The following NUFIP2 variants were observed in gnomAD, a reference collection of about 807,000 sequenced individuals.
The protein encoded by NUFIP2 is FMR1-interacting protein NUFIP2.
In NUFIP2, 6 loss-of-function variants were observed where a neutral mutation model predicts 56.9. The ratio of observed to expected loss-of-function variants is 0.11; its 90% CI spans 0.06 to 0.21. The LOEUF (loss-of-function observed/expected upper bound fraction) is 0.21. Among genes scored for constraint, NUFIP2 ranks in the 10% least tolerant of loss-of-function variants. The probability of loss-of-function intolerance (pLI) is 1.00; values close to 1 mark genes in which losing one functional copy is unlikely to be tolerated. For missense variants in NUFIP2, 828 were observed against 826.8 expected, an observed-to-expected ratio of 1.00 and a Z score of -0.02; for synonymous variants, 321 against 298.2, an observed-to-expected ratio of 1.08 and a Z score of -0.79.
At chr17:29,281,602 GGA>G (rs2069139902) in intron 2 of NUFIP2, among the ~76,000 whole-genome samples, 1 of 151,448 alleles carries the variant, frequency 6.6e-6, no homozygotes, top group Non-Finnish European at 1.5e-5. Context: ...TGAGGAAGGA[GGA>G]GAGCTTCAGC....
intron 2 of NUFIP2, among the ~76,000 whole-genome samples, chr17:29,276,027 C>CG (rs2153011585): frequency 2.0e-5 from 2 of 99,464 alleles, no homozygotes; most frequent in African/African-American, 4.3e-5. Context: ...GACTCCGTCT[C>CG]AAATATATAT....
In NUFIP2 at chr17:29,286,507, T is replaced by C; in HGVS notation, c.1487A>G (p.Gln496Arg). Reference protein sequence around the residue: ...AQVDLPSQTDQQNLGDIFQNQ... With the variant: ...AQVDLPSQTDRQNLGDIFQNQ... ...CTGGAAGATATCCCCCAGGTTTTGC[T>C]GATCTGTCTGAGAGGGCAGATCCAC... Residue 496 changes from glutamine (Q) to arginine (R), a missense_variant, in exon 2 of 4, where the codon CAG becomes CGG. Transcript: ENST00000225388. 6.2e-7 allele frequency: 1 copy of C among 1,614,230 alleles called. No individual in the cohort carries two copies. Among genetic ancestry groups the C allele is most frequent in the Non-Finnish European group, 8.5e-7 (1 of 1,180,044 alleles).
intron 2 of NUFIP2, among the ~76,000 whole-genome samples, chr17:29,281,879 C>T (rs76057104): frequency 1.3e-5 from 2 of 151,842 alleles, no homozygotes; most frequent in African/African-American, 4.8e-5. Context: ...ATTCTCCTGC[C>T]TCAGCCTCCC....
chr17:29,287,581 G>C lies in NUFIP2; in HGVS notation c.413C>G (p.Thr138Ser). ...TTTCCCAAAGGTGTTGGCCTTTACA[G>C]TCTGCTTCAGGCTAGTGTCTACAAC... ...QQVVDTSLKQ[T>S]VKANTFGKAG... Residue 138 changes from threonine to serine, a missense_variant, in exon 2 of 4, where the codon ACT becomes AGT. Coordinates refer to ENST00000225388, the MANE Select transcript of NUFIP2 (RefSeq NM_020772.3). The C allele has an allele frequency of 6.2e-7, 1 of 1,614,062 alleles. No individual in the cohort carries two copies. Among genetic ancestry groups the C allele is most frequent in the Admixed American group, 1.7e-5 (1 of 59,998 alleles).
chr17:29,270,324 G>GAA (rs386385865), intron 2 of NUFIP2, among the ~76,000 whole-genome samples: 14,242 of 81,152 alleles, frequency 0.18, 957 homozygotes, highest in East Asian at 0.4. Context: ...CTAACCTGGA[G>GAA]AAAAAAAAAA....
rs1326069506 is a variant in NUFIP2 at position 29,262,112 on chromosome 17, T to C, written c.*2427A>G. 2 of 152,336 alleles carry C rather than the reference T, an allele frequency of 1.3e-5. No individual in the cohort carries two copies. Among genetic ancestry groups the C allele is most frequent in the African/African-American group, 4.8e-5 (2 of 41,448 alleles). The allele number at this position is 152,336 out of a possible 1,614,324, so 9.4% of individuals were successfully genotyped here. ...CAATTCAGGTGGGGTCTGGGTTTGT[T>C]TTTTGTTTTTTCCTTTTCAAATATA... On this transcript the variant is annotated 3_prime_UTR_variant, in exon 4 of 4. Transcript: ENST00000225388.
chr17:29,290,653 CAAAAAAAA>C (rs749932039), intron 1 of NUFIP2, among the ~76,000 whole-genome samples: 1 of 99,432 alleles, frequency 1.0e-5, no homozygotes, highest in East Asian at 2.7e-4. Context: ...GGCTGTGTCT[CAAAAAAAA>C]AAAAAAGAAA....
At position 29,286,328 on chromosome 17, in the gene NUFIP2, T is replaced by C. The variant is rs1203352555; in HGVS notation, c.1666A>G (p.Thr556Ala). The change falls in exon 2 of 4, where the codon ACT becomes GCT. Residue 556 changes from threonine (T) to alanine (A), a missense_variant. Thr to Ala is a moderately conservative substitution (Grantham distance 58, BLOSUM62 0). Transcript: ENST00000225388. ...GCCTTGGGAAACACAGGATGCTCAG[T>C]TCCTGAGGGAATTATTTCAGCACCC... ...SQGAEIIPSG[T>A]EHPVFPKAYE... 2.5e-6 allele frequency: 4 copies of C among 1,614,022 alleles called. No homozygotes were observed. The African/African-American group carries it at 5.3e-5, about 22-fold the overall frequency.
intron 2 of NUFIP2, among the ~76,000 whole-genome samples, chr17:29,285,076 G>A (rs2069164005): frequency 6.6e-6 from 1 of 152,154 alleles, no homozygotes; most frequent in Admixed American, 6.5e-5. Context: ...GCAGAGGCGG[G>A]CGGATCACGA....
rs761053643 is a variant in NUFIP2, at chr17:29,264,542, T to C, written c.2085A>G (p.Gln695=). The stretch of plus-strand genomic sequence containing the variant: ...TACGAATAGGCAGTCTGGTCCTTCA[T>C]TGATCTGGACTATCCATGGCTTCAT... ...TYNEAMDSPD[Q] The change falls in exon 4 of 4, where the codon CAA becomes CAG. Residue 695 remains glutamine (Q), a synonymous_variant. Coordinates refer to ENST00000225388, the MANE Select transcript of NUFIP2 (RefSeq NM_020772.3). 33 of 1,606,674 alleles carry C rather than the reference T, an allele frequency of 2.1e-5. No homozygotes were observed. In the South Asian group the frequency reaches 2.2e-4, roughly 11 times the overall value.
intron 2 of NUFIP2, among the ~76,000 whole-genome samples, chr17:29,281,026 G>A (rs892856014): frequency 3.3e-5 from 5 of 151,836 alleles, no homozygotes; most frequent in Admixed American, 2.6e-4. Flanking sequence ...CAGGCATGGT[G>A]GCCCACACCT....
chr17:29,277,966 C>T (rs1263828381), intron 2 of NUFIP2, among the ~76,000 whole-genome samples: 2 of 151,888 alleles, frequency 1.3e-5, no homozygotes, highest in African/African-American at 2.4e-5. Context: ...GAGCCGAGAT[C>T]GCGCCACTGG....
chr17:29,267,662 T>C, intron 2 of NUFIP2, 132 bp from the exon 3 acceptor site: 1 of 556,416 alleles, frequency 1.8e-6, no homozygotes, highest in Non-Finnish European at 3.2e-6. Context: ...ATGGCAAAAT[T>C]CTATGAAGTT....
At chr17:29,269,598 TC>T (rs1462515652) in intron 2 of NUFIP2, among the ~76,000 whole-genome samples, 1 of 151,590 alleles carries the variant, frequency 6.6e-6, no homozygotes, top group East Asian at 1.9e-4. Flanking sequence ...AGCCTCAATC[TC>T]CTGGGTTCAA....
At chr17:29,268,219 A>T (rs990239902) in intron 2 of NUFIP2, among the ~76,000 whole-genome samples, 1 of 152,128 alleles carries the variant, frequency 6.6e-6, no homozygotes, top group African/African-American at 2.4e-5. Context: ...TATAATTCTT[A>T]AGTGTCATGT....
chr17:29,275,930 A>C (rs1412729519), intron 2 of NUFIP2, among the ~76,000 whole-genome samples: 1 of 151,810 alleles, frequency 6.6e-6, no homozygotes, highest in African/African-American at 2.4e-5. Flanking sequence ...CAGGAGGCTG[A>C]GGCAGGAGAA....
chr17:29,284,530 A>C (rs568623171), intron 2 of NUFIP2, among the ~76,000 whole-genome samples: 35 of 151,792 alleles, frequency 2.3e-4, no homozygotes, highest in African/African-American at 8.5e-4. Context: ...ACACGGTGAA[A>C]CCTCATCTCT....
intron 3 of NUFIP2, among the ~76,000 whole-genome samples, chr17:29,267,207 C>T (rs1000861706): frequency 2.0e-5 from 3 of 146,554 alleles, no homozygotes; most frequent in Admixed American, 1.4e-4. Flanking sequence ...CCCGGCCCTA[C>T]ATTTTTTTTT....
intron 2 of NUFIP2, among the ~76,000 whole-genome samples, chr17:29,280,818 T>C (rs1250219016): frequency 6.6e-6 from 1 of 151,674 alleles, no homozygotes; most frequent in African/African-American, 2.4e-5. Flanking sequence ...AAACCCCGTC[T>C]CTACTAAAAA....
Sources: allele counts gnomAD v4.1 joint callset (sites outside exome capture counted in the v4.1 genomes callset), GRCh38; gene constraint gnomAD v4.1.1; transcripts MANE v1.5; gene names NCBI Gene and HGNC (gene_info 2026-07-23, HGNC 2026-07-21).